DGKH: variants seen among roughly 807,000 people sequenced by gnomAD.
DGKH encodes DAG kinase eta.
DGKH carries 90 observed loss-of-function variants against 159.3 expected under a neutral mutation model. The ratio of observed to expected loss-of-function variants is 0.57; its 90% CI spans 0.48 to 0.67. The LOEUF (loss-of-function observed/expected upper bound fraction) is 0.67, where lower values mean the gene tolerates loss of function less well. Ranked by LOEUF, DGKH falls within the 30% of genes least tolerant of loss-of-function variation. DGKH has a pLI of 0.00. For missense variants in DGKH, 1,181 were observed against 1,506.1 expected (o/e 0.78, Z 3.57); for synonymous variants, 536 against 553.8 (o/e 0.97, Z 0.45).
intron 2 of DGKH, among the ~76,000 whole-genome samples, chr13:42,128,745 T>C (rs1955223823): frequency 6.6e-6 from 1 of 152,240 alleles, no homozygotes; most frequent in Non-Finnish European, 1.5e-5. Flanking sequence ...AAGTTAGTTG[T>C]GTCTATTTAA....
At chr13:42,223,843 A>G (rs1958049100) in intron 29 of DGKH, among the ~76,000 whole-genome samples, 1 of 152,054 alleles carries the variant, frequency 6.6e-6, no homozygotes, top group African/African-American at 2.4e-5. Flanking sequence ...TACGGAATCC[A>G]TTGCCTGAAT....
chr13:42,192,761 C>T (rs1008229119), intron 16 of DGKH, among the ~76,000 whole-genome samples: 1 of 152,138 alleles, frequency 6.6e-6, no homozygotes, highest in Non-Finnish European at 1.5e-5. Flanking sequence ...ATGATCTGCC[C>T]TAAGGTTTCT....
intron 1 of DGKH, among the ~76,000 whole-genome samples, chr13:42,072,672 A>G (rs1274830753): frequency 2.0e-5 from 3 of 152,216 alleles, no homozygotes; most frequent in African/African-American, 7.2e-5. Context: ...GAAAGCCTAG[A>G]CAGGGTGATG....
At chr13:42,049,349 CAGTCGCGAGTTCCTACTTAGGGA>C in intron 1 of DGKH, among the ~76,000 whole-genome samples, 1 of 152,278 alleles carries the variant, frequency 6.6e-6, no homozygotes, top group Non-Finnish European at 1.5e-5. Context: ...AGCTGACGCG[CAGTCGCGAGTTCCTACTTAGGGA>C]ACTTAAAAGG....
chr13:42,052,505 G>A (rs1881399114), intron 1 of DGKH, among the ~76,000 whole-genome samples: 2 of 152,316 alleles, frequency 1.3e-5, no homozygotes, highest in South Asian at 4.1e-4. Flanking sequence ...TGCTGATGCA[G>A]GAAAGCCAAA....
intron 18 of DGKH, 43 bp downstream of exon 18, chr13:42,198,638 G>GTT (rs35298264): frequency 1.5e-3 from 1,694 of 1,163,208 alleles, no homozygotes; most frequent in East Asian, 2.4e-3. Context: ...GGTTTTTCTT[G>GTT]TTTTTTTTTT....
intron 13 of DGKH, among the ~76,000 whole-genome samples, chr13:42,178,712 A>G (rs1315679062): frequency 1.3e-5 from 2 of 152,330 alleles, no homozygotes; most frequent in South Asian, 2.1e-4. Flanking sequence ...GATTTTGTAC[A>G]TGGAGCCAAA....
chr13:42,236,033 T>G lies in DGKH; in HGVS notation c.*6845T>G, dbSNP rs1958406436. 1 of 152,204 alleles carries G rather than the reference T, an allele frequency of 6.6e-6. No individual in the cohort carries two copies. Among genetic ancestry groups the G allele is most frequent in the Non-Finnish European group, 1.5e-5 (1 of 68,020 alleles). The allele number at this position is 152,204 out of a possible 1,614,324, so 9.4% of individuals were successfully genotyped here. A position where few individuals can be genotyped will look rare whatever the true frequency, so the allele number is the denominator to read the frequency against. ...CAGACAAAATATTTAATAACAAATA[T>G]AAAAGCTTTGTATATTTTGTGGCAT... On this transcript the variant is annotated 3_prime_UTR_variant, in exon 30 of 30. Coordinates refer to ENST00000337343, the MANE Select transcript of DGKH (RefSeq NM_178009.5).
chr13:42,151,512 C>CGTGT (rs1955886318), intron 3 of DGKH, among the ~76,000 whole-genome samples: 2 of 100,270 alleles, frequency 2.0e-5, no homozygotes, highest in Admixed American at 1.1e-4. Flanking sequence ...TGTGTATACA[C>CGTGT]ATGTATATAT....
intron 16 of DGKH, among the ~76,000 whole-genome samples, chr13:42,193,381 A>T (rs1410145963): frequency 2.0e-5 from 3 of 152,224 alleles, no homozygotes; most frequent in Non-Finnish European, 4.4e-5. Context: ...AGATTTAGAA[A>T]AGTCTTTAAT....
At chr13:42,073,968 C>G (rs1211273137) in intron 1 of DGKH, among the ~76,000 whole-genome samples, 4 of 152,164 alleles carry the variant, frequency 2.6e-5, no homozygotes, top group Non-Finnish European at 5.9e-5. Context: ...ATGAAGCGTC[C>G]ACTGAATTCA....
intron 3 of DGKH, among the ~76,000 whole-genome samples, chr13:42,140,242 A>G (rs1955509509): frequency 6.6e-6 from 1 of 152,166 alleles, no homozygotes; most frequent in Non-Finnish European, 1.5e-5. Context: ...TGTCACATGA[A>G]AAGCTTGGCC....
chr13:42,122,280 A>G (rs1314288564), intron 1 of DGKH, among the ~76,000 whole-genome samples: 3 of 152,196 alleles, frequency 2.0e-5, no homozygotes, highest in Non-Finnish European at 2.9e-5. Context: ...TTTCTTGCTT[A>G]GAACACCTGA....
At position 42,229,271 on chromosome 13, in the gene DGKH, T is replaced by A; in HGVS notation, c.*83T>A. ...GAAGCAAGTGGCTGTTCTTGTAGTTTTCTGCATAGATAAGTAAGCACCACT... is the reference window on the plus strand; with the variant it reads ...GAAGCAAGTGGCTGTTCTTGTAGTTATCTGCATAGATAAGTAAGCACCACT... On this transcript the variant is annotated 3_prime_UTR_variant, in exon 30 of 30. Coordinates refer to ENST00000337343, the MANE Select transcript of DGKH (RefSeq NM_178009.5). The A allele has an allele frequency of 8.0e-7, 1 of 1,246,396 alleles. No homozygotes were observed. The highest frequency in any genetic ancestry group is 1.5e-5 in the African/African-American group (1 of 64,786). The allele number at this position is 1,246,396 out of a possible 1,614,324, so 77.2% of individuals were successfully genotyped here.
chr13:42,071,034 A>G lies in DGKH; in HGVS notation c.192+22069A>G, dbSNP rs574505570. The G allele has an allele frequency of 1.2e-5, 15 of 1,257,540 alleles. No homozygotes were observed. The East Asian group carries it at 2.3e-4, about 20-fold the overall frequency. The allele number at this position is 1,257,540 out of a possible 1,614,324, so 77.9% of individuals were successfully genotyped here. A position where few individuals can be genotyped will look rare whatever the true frequency, so the allele number is the denominator to read the frequency against. On this transcript the variant is annotated intron_variant, in intron 1 of 29. Coordinates refer to ENST00000337343, the MANE Select transcript of DGKH (RefSeq NM_178009.5). ...CACAACCCAGTGGTTTTAAGTCCATATACGTAGAATCCAGATCAAAACCAT... is the reference window on the plus strand; with the variant it reads ...CACAACCCAGTGGTTTTAAGTCCATGTACGTAGAATCCAGATCAAAACCAT...
chr13:42,103,981 T>C (rs1480930642), intron 1 of DGKH, among the ~76,000 whole-genome samples: 2 of 152,202 alleles, frequency 1.3e-5, no homozygotes, highest in African/African-American at 4.8e-5. Flanking sequence ...TAACAAGCTG[T>C]GGCAAATGTC....
chr13:42,225,444 T>G, intron 29 of DGKH: 1 of 1,044,048 alleles, frequency 9.6e-7, no homozygotes, highest in East Asian at 2.9e-5. Flanking sequence ...TTGTCAAAAT[T>G]TGGACTGTTT....
rs758261892 is a variant in DGKH at position 42,194,928 on chromosome 13, C to G, written c.2079C>G (p.Gly693=). The change falls in exon 17 of 30, where the codon GGC becomes GGG. Residue 693 remains glycine (G), a synonymous_variant. Coordinates refer to ENST00000337343, the MANE Select transcript of DGKH (RefSeq NM_178009.5). ...CTCCAGATGCCCGGGCAAGTTATGG[C>G]CATTCCCAAACTGATTCTGTCCCTG... ...PRSPDARASY[G]HSQTDSVPGP... 5 of 1,613,988 alleles carry G rather than the reference C, an allele frequency of 3.1e-6. No individual in the cohort carries two copies. In the South Asian group the frequency reaches 5.5e-5, roughly 18 times the overall value.
At chr13:42,191,077 G>A (rs1265986845) in intron 16 of DGKH, among the ~76,000 whole-genome samples, 1 of 152,110 alleles carries the variant, frequency 6.6e-6, no homozygotes, top group Admixed American at 6.6e-5. Context: ...AACTATTTTG[G>A]TAAGGAAATG....
Sources: gnomAD v4.1 joint callset for allele counts (sites outside exome capture counted in the v4.1 genomes callset) on GRCh38, gnomAD v4.1.1 for gene constraint, MANE v1.5 for transcripts, NCBI Gene and HGNC (gene_info 2026-07-23, HGNC 2026-07-21) for gene names.